Variants in C1QTNF3 observed in about 807,000 individuals in gnomAD.
C1QTNF3 encodes the protein complement C1q tumor necrosis factor-related protein 3.
A neutral mutation model predicts 32.6 loss-of-function variants in C1QTNF3; 26 were observed. That is an observed-to-expected ratio of 0.80 (90% CI 0.58 to 1.11). The LOEUF is 1.11. C1QTNF3 is among the 50% of genes least tolerant of loss of function. The pLI, the probability that C1QTNF3 is intolerant of heterozygous loss-of-function variation, is 0.00. For synonymous variants in C1QTNF3, 155 were observed against 146.0 expected, an observed-to-expected ratio of 1.06 and a Z score of -0.44; for missense variants, 362 against 398.2, an observed-to-expected ratio of 0.91 and a Z score of 0.77.
the C1QTNF3 span, among the ~76,000 whole-genome samples, chr5:34,195,717 T>G: frequency 6.6e-6 from 1 of 151,386 alleles, no homozygotes; most frequent in Non-Finnish European, 1.5e-5. Flanking sequence ...GGCGGGCGCC[T>G]TAGTCCCAGC....
the C1QTNF3 span, among the ~76,000 whole-genome samples, chr5:34,177,321 G>T: frequency 1.6e-4 from 24 of 152,116 alleles, no homozygotes; most frequent in Non-Finnish European, 2.6e-4. Flanking sequence ...CATTGCAAAG[G>T]TTCTTTTTTG....
the C1QTNF3 span, among the ~76,000 whole-genome samples, chr5:34,120,682 C>T: frequency 6.6e-6 from 1 of 152,110 alleles, no homozygotes; most frequent in East Asian, 1.9e-4. Flanking sequence ...GAGGTGTTTC[C>T]GTGAACAAGT....
the C1QTNF3 span, among the ~76,000 whole-genome samples, chr5:34,135,393 G>A: frequency 2.0e-5 from 3 of 151,238 alleles, no homozygotes; most frequent in Admixed American, 6.6e-5. Context: ...TTTTTTTTGC[G>A]TCTCTGCCAG....
chr5:34,091,487 T>G, the C1QTNF3 span, among the ~76,000 whole-genome samples: 22 of 152,334 alleles, frequency 1.4e-4, no homozygotes, highest in South Asian at 4.0e-3. Context: ...ATTTATAACC[T>G]CTTCAAACTC....
At chr5:34,129,376 T>C in the C1QTNF3 span, among the ~76,000 whole-genome samples, 1 of 152,178 alleles carries the variant, frequency 6.6e-6, no homozygotes, top group Non-Finnish European at 1.5e-5. Context: ...GTGGACTCTA[T>C]AATAGCTGAA....
At chr5:34,197,954 G>A in the C1QTNF3 span, among the ~76,000 whole-genome samples, 11 of 151,122 alleles carry the variant, frequency 7.3e-5, no homozygotes, top group Admixed American at 3.3e-4. Flanking sequence ...ACTAATCCCC[G>A]GCTGGGCACG....
the C1QTNF3 span, chr5:34,124,402 G>T: frequency 1.3e-4 from 94 of 715,716 alleles, no homozygotes; most frequent in South Asian, 1.1e-3. Flanking sequence ...AGGCTGTGTA[G>T]GAAGCATAGT....
At chr5:34,037,958 G>A (rs1446799065) in intron 1 of C1QTNF3, among the ~76,000 whole-genome samples, 1 of 152,210 alleles carries the variant, frequency 6.6e-6, no homozygotes, top group Non-Finnish European at 1.5e-5. Context: ...TTTAAGGATG[G>A]AGAAGGGAGG....
At chr5:34,034,539 G>A (rs1183110799) in intron 2 of C1QTNF3, among the ~76,000 whole-genome samples, 13 of 152,090 alleles carry the variant, frequency 8.5e-5, no homozygotes. Flanking sequence ...TAAATTTCAG[G>A]CTTTTTGCTG....
At chr5:34,061,161 A>G in the C1QTNF3 span, among the ~76,000 whole-genome samples, 1 of 152,206 alleles carries the variant, frequency 6.6e-6, no homozygotes, top group Non-Finnish European at 1.5e-5. Context: ...CAAATCTTAA[A>G]GCTCCAAAAT....
the C1QTNF3 span, chr5:34,175,870 C>A: frequency 2.5e-6 from 2 of 799,418 alleles, no homozygotes; most frequent in Non-Finnish European, 4.6e-6. Context: ...TCTCCAACCA[C>A]GTATTTTCTG....
chr5:34,039,427 G>A (rs147567378), intron 1 of C1QTNF3, among the ~76,000 whole-genome samples: 147 of 152,094 alleles, frequency 9.7e-4, no homozygotes, highest in African/African-American at 3.4e-3. Context: ...CTCTCCTTCC[G>A]CCTTATGACC....
chr5:34,077,774 A>G, the C1QTNF3 span, among the ~76,000 whole-genome samples: 2 of 151,540 alleles, frequency 1.3e-5, no homozygotes, highest in Non-Finnish European at 2.9e-5. Flanking sequence ...CTGACAGTGT[A>G]ACTTTTAGAT....
the C1QTNF3 span, among the ~76,000 whole-genome samples, chr5:34,137,209 T>C: frequency 6.6e-6 from 1 of 151,482 alleles, no homozygotes; most frequent in Non-Finnish European, 1.5e-5. Flanking sequence ...GGCCCAAAGG[T>C]CCAAGACAAA....
At chr5:34,217,670 G>C in the C1QTNF3 span, among the ~76,000 whole-genome samples, 2 of 152,144 alleles carry the variant, frequency 1.3e-5, no homozygotes, top group Admixed American at 1.3e-4. Flanking sequence ...ATTGTGCACA[G>C]CTAAAGTTGG....
chr5:34,194,795 A>G, the C1QTNF3 span, among the ~76,000 whole-genome samples: 3 of 152,202 alleles, frequency 2.0e-5, no homozygotes, highest in South Asian at 6.2e-4. Flanking sequence ...AGTCCCTGAT[A>G]TAAAATGACA....
the C1QTNF3 span, among the ~76,000 whole-genome samples, chr5:34,063,421 T>C: frequency 6.6e-6 from 1 of 151,956 alleles, no homozygotes; most frequent in Non-Finnish European, 1.5e-5. Context: ...TTCATCCTGA[T>C]CTATTATGTT....
At chr5:34,236,613 G>A in the C1QTNF3 span, among the ~76,000 whole-genome samples, 1 of 104,294 alleles carries the variant, frequency 9.6e-6, no homozygotes, top group Non-Finnish European at 1.7e-5. Flanking sequence ...CACTGTTGCT[G>A]CCCAGGCTGT....
At chr5:34,119,559 C>T in the C1QTNF3 span, among the ~76,000 whole-genome samples, 6 of 152,070 alleles carry the variant, frequency 3.9e-5, no homozygotes, top group South Asian at 2.1e-4. Context: ...AAACTTATGA[C>T]CTTACAGATC....
Sources: allele counts gnomAD v4.1 joint callset (sites outside exome capture counted in the v4.1 genomes callset), GRCh38; gene constraint gnomAD v4.1.1; transcripts MANE v1.5; gene names NCBI Gene and HGNC (gene_info 2026-07-23, HGNC 2026-07-21).